The following VAMP7 variants were observed in gnomAD, a reference collection of about 807,000 sequenced individuals.
VAMP7 encodes the protein vesicle-associated membrane protein 7.
A neutral mutation model predicts 29.6 loss-of-function variants in VAMP7; 14 were observed. That is an observed-to-expected ratio of 0.47 (90% CI 0.31 to 0.74). The LOEUF (loss-of-function observed/expected upper bound fraction) is 0.74. VAMP7 is among the 30% of genes least tolerant of loss of function. The pLI is 0.05. For synonymous variants in VAMP7, 95 were observed against 88.1 expected (o/e 1.08, Z -0.44); for missense variants, 223 against 262.4 (o/e 0.85, Z 1.04).
intron 3 of VAMP7, among the ~76,000 whole-genome samples, chrX:155,896,068 A>G (rs1311804961): frequency 1.3e-5 from 2 of 152,196 alleles, no homozygotes; most frequent in Non-Finnish European, 2.9e-5. Context: ...CCCTGGTGCC[A>G]AAAAGGTTGG....
At chrX:155,933,454 T>G (rs1429589233) in intron 6 of VAMP7, among the ~76,000 whole-genome samples, 2 of 152,192 alleles carry the variant, frequency 1.3e-5, no homozygotes, top group Admixed American at 6.5e-5. Flanking sequence ...GTCAAGGAAT[T>G]TATCCATTTC....
chrX:155,934,647 T>G (rs1024940580), intron 6 of VAMP7, among the ~76,000 whole-genome samples: 3 of 152,200 alleles, frequency 2.0e-5, no homozygotes, highest in Non-Finnish European at 2.9e-5. Flanking sequence ...GTCTTTACTC[T>G]TTATCTAATT....
chrX:155,931,857 T>C (rs905141007), intron 6 of VAMP7, among the ~76,000 whole-genome samples: 9 of 152,220 alleles, frequency 5.9e-5, no homozygotes, highest in African/African-American at 1.9e-4. Context: ...CATTTAAGTC[T>C]TTAATCCATC....
chrX:155,927,162 T>G (rs955703672), intron 6 of VAMP7, among the ~76,000 whole-genome samples: 2 of 150,590 alleles, frequency 1.3e-5, no homozygotes, highest in Non-Finnish European at 3.0e-5. Flanking sequence ...TAAGTGGGAG[T>G]TGAACAATGA....
chrX:155,912,966 C>T (rs2066259218), intron 5 of VAMP7, among the ~76,000 whole-genome samples: 1 of 152,170 alleles, frequency 6.6e-6, no homozygotes, highest in Non-Finnish European at 1.5e-5. Context: ...AACTAATTTA[C>T]ACTTCCACCA....
intron 2 of VAMP7, among the ~76,000 whole-genome samples, chrX:155,890,641 G>A (rs1362666323): frequency 1.3e-5 from 2 of 152,128 alleles, no homozygotes; most frequent in South Asian, 2.1e-4. Context: ...GATTACAGGC[G>A]TGAGCCACTG....
Position 155,927,981 on chromosome X carries a change from C to T in VAMP7, c.501+8101C>T, listed in dbSNP as rs142321225. Among the ~76,000 whole-genome samples the T allele has an allele frequency of 4.1e-3, 631 of 152,158 alleles. 5 individuals are homozygous for T. The highest frequency in any genetic ancestry group is 0.014 in the African/African-American group (600 of 41,500). On this transcript the variant is annotated intron_variant, in intron 6 of 7. Coordinates refer to ENST00000286448, the MANE Select transcript of VAMP7 (RefSeq NM_005638.6). ...TCACCCAGGCTGGAGTGCAGTGGCA[C>T]GATCACAGCTTACTGTTGCCTCCAC...
chrX:155,901,692 C>T (rs1329680418), intron 5 of VAMP7, among the ~76,000 whole-genome samples: 3 of 152,090 alleles, frequency 2.0e-5, no homozygotes, highest in Admixed American at 6.5e-5. Context: ...AGATATGTGG[C>T]GTTATTTCTG....
chrX:155,907,872 A>C (rs2066170393), intron 5 of VAMP7, among the ~76,000 whole-genome samples: 1 of 151,634 alleles, frequency 6.6e-6, no homozygotes, highest in Non-Finnish European at 1.5e-5. Context: ...GGGTCTCCTC[A>C]CTTCTCAGAC....
At chrX:155,933,407 C>T (rs910014400) in intron 6 of VAMP7, among the ~76,000 whole-genome samples, 22 of 152,124 alleles carry the variant, frequency 1.4e-4, no homozygotes, top group Admixed American at 1.3e-4. Context: ...TTCAGAGATT[C>T]AACTTCTTCC....
At chrX:155,883,665 C>A (rs1320771887) in intron 1 of VAMP7, among the ~76,000 whole-genome samples, 2 of 150,674 alleles carry the variant, frequency 1.3e-5, no homozygotes, top group African/African-American at 2.4e-5. Context: ...GTTCACACAG[C>A]ATGTTTTGGT....
Position 155,934,865 on chromosome X carries a change from T to C in VAMP7, c.502-4836T>C, listed in dbSNP as rs1181559509. 2.6e-5 allele frequency among the ~76,000 whole-genome samples: 3 copies of C among 117,230 alleles called. No homozygotes were observed. The Admixed American group carries it at 2.6e-4, about 10-fold the overall frequency. The allele number at this position is 117,230 out of a possible 152,430, so 76.9% of individuals were successfully genotyped here. On this transcript the variant is annotated intron_variant, in intron 6 of 7. Coordinates refer to ENST00000286448, the MANE Select transcript of VAMP7 (RefSeq NM_005638.6). ...TGTTGTTCCTTTCCATGTTTAGTGCTTCCTTCAGGAGCTCTTGTAAGGCAG... is the reference window on the plus strand; with the variant it reads ...TGTTGTTCCTTTCCATGTTTAGTGCCTCCTTCAGGAGCTCTTGTAAGGCAG...
intron 6 of VAMP7, among the ~76,000 whole-genome samples, chrX:155,935,710 C>T (rs781216697): frequency 6.6e-6 from 1 of 152,320 alleles, no homozygotes; most frequent in South Asian, 2.1e-4. Context: ...TCGTCAAAGT[C>T]ATTCTCTGTC....
intron 2 of VAMP7, among the ~76,000 whole-genome samples, chrX:155,892,182 G>C (rs1300939714): frequency 1.3e-5 from 2 of 152,066 alleles, no homozygotes; most frequent in Non-Finnish European, 2.9e-5. Context: ...ATCTAGCTGT[G>C]TTATTTCGAG....
intron 2 of VAMP7, among the ~76,000 whole-genome samples, chrX:155,893,188 A>C (rs761301877): frequency 6.6e-6 from 1 of 152,088 alleles, no homozygotes; most frequent in Non-Finnish European, 1.5e-5. Flanking sequence ...AGGAGAAACA[A>C]ATTTTATGGG....
chrX:155,941,816 C>CTA, intron 7 of VAMP7, 67 bp from the exon 8 acceptor site: 2 of 1,504,828 alleles, frequency 1.3e-6, no homozygotes, highest in Non-Finnish European at 1.8e-6. Flanking sequence ...CTCTACTTTC[C>CTA]TATATATATT....
At chrX:155,940,256 G>A (rs1206272829) in intron 7 of VAMP7, among the ~76,000 whole-genome samples, 2 of 152,104 alleles carry the variant, frequency 1.3e-5, no homozygotes, top group Admixed American at 6.6e-5. Flanking sequence ...ATTGCTAACA[G>A]GTGGGGGGTG....
At chrX:155,927,212 G>A (rs2066480051) in intron 6 of VAMP7, among the ~76,000 whole-genome samples, 1 of 151,946 alleles carries the variant, frequency 6.6e-6, no homozygotes, top group Non-Finnish European at 1.5e-5. Flanking sequence ...ACACACTGGG[G>A]CCTGTCGGGG....
In VAMP7 at chrX:155,932,007, G is replaced by C. The variant is rs779782331; in HGVS notation, c.502-7694G>C. 1.4e-3 allele frequency among the ~76,000 whole-genome samples: 207 copies of C among 152,110 alleles called. 7 individuals are homozygous for C. In the South Asian group the frequency reaches 0.043, roughly 32 times the overall value. On this transcript the variant is annotated intron_variant, in intron 6 of 7. Transcript: ENST00000286448. ...TCTTTTTGTCAGGTTTGTCAAAGAT[G>C]ACATGGTTGTAGATGTGTGGTATTA... is the stretch of plus-strand genomic sequence containing the variant.
Sources: gnomAD v4.1 joint callset for allele counts (sites outside exome capture counted in the v4.1 genomes callset) on GRCh38, gnomAD v4.1.1 for gene constraint, MANE v1.5 for transcripts, NCBI Gene and HGNC (gene_info 2026-07-23, HGNC 2026-07-21) for gene names.